OAS1: variants seen among roughly 807,000 people sequenced by gnomAD.
OAS1 encodes the protein 2'-5'-oligoadenylate synthase 1.
OAS1 carries 24 observed loss-of-function variants against 38.5 expected under a neutral mutation model. The observed-to-expected ratio is 0.62, with a 90% CI of 0.45 to 0.88. The LOEUF (loss-of-function observed/expected upper bound fraction) is 0.88. Among genes scored for constraint, OAS1 ranks in the 40% least tolerant of loss-of-function variants. OAS1 has a pLI of 0.00. For missense variants in OAS1, 482 were observed against 493.9 expected, an observed-to-expected ratio of 0.98 and a Z score of 0.23; for synonymous variants, 169 against 193.9, an observed-to-expected ratio of 0.87 and a Z score of 1.07.
At chr12:112,912,392 A>G (rs2043396749) in intron 3 of OAS1, among the ~76,000 whole-genome samples, 1 of 152,248 alleles carries the variant, frequency 6.6e-6, no homozygotes, top group African/African-American at 2.4e-5. Flanking sequence ...CTATTGACTT[A>G]AGAGTTTGCC....
At chr12:112,907,313 C>A (rs2043310844) in intron 1 of OAS1, 94 bp downstream of exon 1, 1 of 1,328,248 alleles carries the variant, frequency 7.5e-7, no homozygotes, top group South Asian at 1.3e-5. Context: ...AAGCAAAAAC[C>A]TAGAACCCAG....
chr12:112,907,283 TGAGA>T (rs150398756), intron 1 of OAS1, 64 bp downstream of exon 1: 880 of 1,441,422 alleles, frequency 6.1e-4, no homozygotes, highest in South Asian at 7.4e-4. Context: ...AGATTGAGAA[TGAGA>T]GAGAGAGAGA....
At chr12:112,911,895 C>G (rs565011209) in intron 3 of OAS1, among the ~76,000 whole-genome samples, 107 of 152,204 alleles carry the variant, frequency 7.0e-4, no homozygotes, top group Admixed American at 2.2e-3. Context: ...TTTTAAATGC[C>G]CTGCATCTTA....
At chr12:112,924,466 T>TA (rs1565967387), downstream of OAS1, among the ~76,000 whole-genome samples, 8 of 150,838 alleles carry the variant, frequency 5.3e-5, no homozygotes, top group South Asian at 2.1e-4. Context: ...CATCTATATT[T>TA]TATATATATA....
chr12:112,931,601 T>C (rs2043597479), intron 6 of OAS1, among the ~76,000 whole-genome samples: 1 of 152,268 alleles, frequency 6.6e-6, no homozygotes, highest in African/African-American at 2.4e-5. Flanking sequence ...TTTGCTCATG[T>C]GGTACAGATA....
At chr12:112,931,790 T>C (rs2043598569) in intron 6 of OAS1, 8 of 576,120 alleles carry the variant, frequency 1.4e-5, no homozygotes. Flanking sequence ...AGAGTGGAGA[T>C]GCTTCTATAG....
intron 6 of OAS1, among the ~76,000 whole-genome samples, chr12:112,925,642 C>A (rs1261888185): frequency 6.6e-6 from 1 of 152,006 alleles, no homozygotes; most frequent in African/African-American, 2.4e-5. Flanking sequence ...AAAAATTAGC[C>A]AGGTGTGGTG....
downstream of OAS1, chr12:112,919,974 G>T: frequency 2.6e-6 from 1 of 386,934 alleles, no homozygotes; most frequent in Non-Finnish European, 4.7e-6. Flanking sequence ...GGTATTGTGT[G>T]TGTATATACA....
intron 3 of OAS1, among the ~76,000 whole-genome samples, chr12:112,914,498 G>A (rs2043426931): frequency 6.6e-6 from 1 of 152,186 alleles, no homozygotes; most frequent in African/African-American, 2.4e-5. Flanking sequence ...TCTACTTTTA[G>A]TTCTATAAGG....
At chr12:112,921,897 T>A (rs2043531788), downstream of OAS1, among the ~76,000 whole-genome samples, 1 of 152,108 alleles carries the variant, frequency 6.6e-6, no homozygotes, top group Admixed American at 6.5e-5. Flanking sequence ...CAGGCCAATG[T>A]CGGGTAGTGT....
chr12:112,917,468 T>G, intron 4 of OAS1, 79 bp from the exon 5 acceptor site: 1 of 1,578,070 alleles, frequency 6.3e-7, no homozygotes. Flanking sequence ...TGCTGCTATT[T>G]TGCTCTCCCA....
chr12:112,917,014 A>G, intron 4 of OAS1: 1 of 428,528 alleles, frequency 2.3e-6, no homozygotes, highest in Admixed American at 3.6e-5. Flanking sequence ...TGAGTAAAAT[A>G]GCTGCAGTTT....
downstream of OAS1, among the ~76,000 whole-genome samples, chr12:112,923,042 G>A (rs2043539773): frequency 6.6e-6 from 1 of 152,162 alleles, no homozygotes; most frequent in Non-Finnish European, 1.5e-5. Flanking sequence ...TATTTTTAAA[G>A]GCTGTATGTG....
At chr12:112,932,063 T>C in exon 7 of OAS1, 1 of 612,970 alleles carries the variant, frequency 1.6e-6, no homozygotes, top group Non-Finnish European at 2.9e-6. Context: ...CAACCCAACC[T>C]CTCTCTCTAC....
chr12:112,914,423 T>C (rs1252173635), intron 3 of OAS1, among the ~76,000 whole-genome samples: 2 of 152,238 alleles, frequency 1.3e-5, no homozygotes, highest in African/African-American at 2.4e-5. Flanking sequence ...GTATCTTTTT[T>C]GTATAATGAC....
chr12:112,922,127 A>T (rs2043533807), downstream of OAS1, among the ~76,000 whole-genome samples: 1 of 152,130 alleles, frequency 6.6e-6, no homozygotes, highest in African/African-American at 2.4e-5. Context: ...AGAAATGTTG[A>T]GTGACTCCCC....
chr12:112,916,818 G>T (rs749405010), intron 4 of OAS1, 80 bp downstream of exon 4: 9 of 1,075,556 alleles, frequency 8.4e-6, no homozygotes, highest in Admixed American at 1.7e-5. Flanking sequence ...AAATGGAGGA[G>T]GTGGGAGGGC....
intron 3 of OAS1, among the ~76,000 whole-genome samples, chr12:112,913,971 T>C (rs930277158): frequency 6.6e-6 from 1 of 152,166 alleles, no homozygotes; most frequent in Non-Finnish European, 1.5e-5. Context: ...AATAGGTTTT[T>C]GGGGGAACAG....
chr12:112,920,356 A>G (rs1016723446), downstream of OAS1, among the ~76,000 whole-genome samples: 2 of 152,234 alleles, frequency 1.3e-5, no homozygotes, highest in Admixed American at 1.3e-4. Context: ...AGTGCAAGGT[A>G]TATACTTGGT....
Sources: allele counts gnomAD v4.1 joint callset (sites outside exome capture counted in the v4.1 genomes callset), GRCh38; gene constraint gnomAD v4.1.1; transcripts MANE v1.5; gene names NCBI Gene and HGNC (gene_info 2026-07-23, HGNC 2026-07-21).